Variants in PIK3C2B observed in about 807,000 individuals in gnomAD.
The protein encoded by PIK3C2B is phosphatidylinositol-4-phosphate 3-kinase catalytic subunit type 2 beta, also known as phosphatidylinositol 4-phosphate 3-kinase C2 domain-containing subunit beta.
PIK3C2B carries 83 observed loss-of-function variants against 184.3 expected under a neutral mutation model. The observed-to-expected ratio is 0.45, with a 90% CI of 0.38 to 0.54. PIK3C2B has a LOEUF of 0.54. Among genes scored for constraint, PIK3C2B ranks in the 20% least tolerant of loss-of-function variants. The probability of loss-of-function intolerance (pLI) is 0.00; values close to 1 mark genes in which losing one functional copy is unlikely to be tolerated. For missense variants in PIK3C2B, 1,736 were observed against 2,113.5 expected, an observed-to-expected ratio of 0.82 and a Z score of 3.50; for synonymous variants, 779 against 837.6, an observed-to-expected ratio of 0.93 and a Z score of 1.21.
intron 1 of PIK3C2B, among the ~76,000 whole-genome samples, chr1:204,482,814 G>A (rs1657278538): frequency 6.6e-6 from 1 of 152,042 alleles, no homozygotes; most frequent in Non-Finnish European, 1.5e-5. Context: ...TGCCTGTGGT[G>A]TCCCAGAATC....
At position 204,454,744 on chromosome 1, in the gene PIK3C2B, T is replaced by A. The variant is rs1219609057; in HGVS notation, c.1991A>T (p.Glu664Val). 1.9e-6 allele frequency: 3 copies of A among 1,613,412 alleles called. No individual in the cohort carries two copies. The highest frequency in any genetic ancestry group is 1.3e-5 in the African/African-American group (1 of 74,914). Residue 664 changes from glutamate to valine, a missense_variant, in exon 12 of 33, where the codon GAG becomes GTG. Coordinates refer to ENST00000684373, the MANE Select transcript of PIK3C2B (RefSeq NM_001377334.1). ...LSCSLSHGGK[E>V]LCSPLQTRRA... is the part of the protein sequence containing the mutation. ...TCGGGTCTGCAGGGGGCTGCACAGCTCCTTGCCGCCATGGCTGAGGGAGCA... is the reference window on the plus strand; with the variant it reads ...TCGGGTCTGCAGGGGGCTGCACAGCACCTTGCCGCCATGGCTGAGGGAGCA...
At chr1:204,450,941 C>T (rs767499433) in intron 12 of PIK3C2B, among the ~76,000 whole-genome samples, 10 of 152,200 alleles carry the variant, frequency 6.6e-5, no homozygotes, top group Non-Finnish European at 1.0e-4. Flanking sequence ...TGCCAGAGGG[C>T]GCAGAGGCAG....
chr1:204,449,799 C>T, intron 13 of PIK3C2B, 51 bp downstream of exon 13: 1 of 1,501,332 alleles, frequency 6.7e-7, no homozygotes, highest in South Asian at 1.3e-5. Context: ...CTTTCTCTGT[C>T]CCCCTCCTCC....
chr1:204,469,721 CG>C lies in PIK3C2B; in HGVS notation c.81del (p.Glu28LysfsTer38), dbSNP rs769225473. On this transcript the variant is annotated frameshift_variant, in exon 2 of 33. Transcript: ENST00000684373. LOFTEE classifies it high-confidence loss of function. ...VGISRKELAMAEALQMEYDAL... is the reference protein window; with the variant it reads ...VGISRKELAMXEALQMEYDAL... ...GCATCATACTCCATCTGCAGGGCTT[CG>C]GCCATCGCTAGCTCTTTGCGGCTGA... is the stretch of plus-strand genomic sequence containing the variant. The C allele has an allele frequency of 6.2e-7, 1 of 1,613,944 alleles. No homozygotes were observed. Among genetic ancestry groups the C allele is most frequent in the Non-Finnish European group, 8.5e-7 (1 of 1,179,900 alleles).
Position 204,424,454 on chromosome 1 carries a change from G to T in PIK3C2B, c.*398C>A, listed in dbSNP as rs1418733643. ...TACGTCCCTTCTCGCAAGGCTTCCT[G>T]TCCCAGTTAGGACAACATCACTATT... On this transcript the variant is annotated 3_prime_UTR_variant, in exon 33 of 33. Coordinates refer to ENST00000684373, the MANE Select transcript of PIK3C2B (RefSeq NM_001377334.1). 1 of 348,658 alleles carries T rather than the reference G, an allele frequency of 2.9e-6. No individual in the cohort carries two copies. 21.6% of individuals were successfully genotyped at this position (348,658 alleles called of 1,614,324 possible). A position where few individuals can be genotyped will look rare whatever the true frequency, so the allele number is the denominator to read the frequency against.
chr1:204,463,830 C>G (rs1655527006), intron 5 of PIK3C2B, among the ~76,000 whole-genome samples, 182 bp downstream of exon 5: 1 of 152,182 alleles, frequency 6.6e-6, no homozygotes, highest in African/African-American at 2.4e-5. Flanking sequence ...GTCAGCCAAC[C>G]CTGCTGGAAG....
At chr1:204,441,374 T>C in intron 21 of PIK3C2B, 97 bp downstream of exon 21, 1 of 711,342 alleles carries the variant, frequency 1.4e-6, no homozygotes. Context: ...CATGGAACAG[T>C]GGGAAGAGAA....
At chr1:204,492,038 T>C (rs1658046733) in intron 1 of PIK3C2B, among the ~76,000 whole-genome samples, 1 of 152,184 alleles carries the variant, frequency 6.6e-6, no homozygotes, top group Non-Finnish European at 1.5e-5. Flanking sequence ...ACTCTTTCCT[T>C]AGCAAGAAAG....
At chr1:204,431,594 C>A (rs1675059967) in intron 28 of PIK3C2B, 75 bp downstream of exon 28, 1 of 1,581,946 alleles carries the variant, frequency 6.3e-7, no homozygotes, top group Non-Finnish European at 8.7e-7. Context: ...CCCCTGCAGC[C>A]CTGACCACCT....
In PIK3C2B at chr1:204,422,846, C is replaced by G. The variant is rs980903663; in HGVS notation, c.*2006G>C. 2.3e-4 allele frequency: 35 copies of G among 152,628 alleles called. No homozygotes were observed. Among genetic ancestry groups the G allele is most frequent in the African/African-American group, 8.2e-4 (34 of 41,450 alleles). 9.5% of individuals were successfully genotyped at this position (152,628 alleles called of 1,614,324 possible). ...CGCCCACTCCCCACTCCTCTTCCCC[C>G]TCCTGGAAGCAGCCAGCTTTATCCT... On this transcript the variant is annotated 3_prime_UTR_variant, in exon 33 of 33. Coordinates refer to ENST00000684373, the MANE Select transcript of PIK3C2B (RefSeq NM_001377334.1).
rs1572307524 is a variant in PIK3C2B at position 204,441,394 on chromosome 1, G to A, written c.3249+77C>T. The A allele has an allele frequency of 3.8e-5, 32 of 839,954 alleles. No homozygotes were observed. In the South Asian group the frequency reaches 4.0e-4, roughly 11 times the overall value. 52.0% of individuals were successfully genotyped at this position (839,954 alleles called of 1,614,324 possible). On this transcript the variant is annotated intron_variant, in intron 21 of 32. Transcript: ENST00000684373. ...AACAGTGGGAAGAGAACCACCCAGG[G>A]GCTACTTAATGCCACTCTAGGCTGC...
chr1:204,457,649 C>T (rs1354277470), intron 9 of PIK3C2B, 79 bp downstream of exon 9: 1 of 1,399,168 alleles, frequency 7.1e-7, no homozygotes, highest in East Asian at 2.4e-5. Context: ...AACACCTACA[C>T]ACTCTAGCAA....
Position 204,433,570 on chromosome 1 carries a change from A to T in PIK3C2B, c.3844-145T>A. Reference sequence around the variant, plus strand: ...GACAGATGCTGTGGGCAGTGGCTGGAGGGCCACAGGAACTGAAGGGCTGGA... The same window carrying T: ...GACAGATGCTGTGGGCAGTGGCTGGTGGGCCACAGGAACTGAAGGGCTGGA... On this transcript the variant is annotated intron_variant, in intron 25 of 32. Coordinates refer to ENST00000684373, the MANE Select transcript of PIK3C2B (RefSeq NM_001377334.1). The surrounding 1 kb of genome is among the most constrained non-coding windows in gnomAD (Gnocchi z 5.0). 1 of 708,198 alleles carries T rather than the reference A, an allele frequency of 1.4e-6. No individual in the cohort carries two copies. Among genetic ancestry groups the T allele is most frequent in the Non-Finnish European group, 2.4e-6 (1 of 412,500 alleles). 43.9% of individuals were successfully genotyped at this position (708,198 alleles called of 1,614,324 possible).
Position 204,434,491 on chromosome 1 carries a change from T to C in PIK3C2B, c.3634A>G (p.Ile1212Val), listed in dbSNP as rs140451383. ...MLKTTGHMFHIDFGRFLGHAQ... is the reference protein window; with the variant it reads ...MLKTTGHMFHVDFGRFLGHAQ... ...TGGCCCAGGAAGCGGCCAAAATCAA[T>C]GTGGAACATGTGACCAGTGGTCTTC... The change falls in exon 24 of 33, where the codon ATT (isoleucine) becomes GTT (valine). Residue 1212 changes from isoleucine (I) to valine (V), a missense_variant. Physicochemically the swap from Ile to Val is conservative, Grantham distance 29 (BLOSUM62 3). Transcript: ENST00000684373. 1.6e-4 allele frequency: 262 copies of C among 1,614,084 alleles called. No individual in the cohort carries two copies. Among genetic ancestry groups the C allele is most frequent in the Admixed American group, 2.5e-4 (15 of 59,998 alleles).
chr1:204,427,117 A>C (rs909529346), intron 31 of PIK3C2B, among the ~76,000 whole-genome samples: 3 of 151,882 alleles, frequency 2.0e-5, no homozygotes, highest in Non-Finnish European at 2.9e-5. Context: ...AGCCTGGGTG[A>C]CAGAGCAAAA....
At chr1:204,456,154 C>G in intron 10 of PIK3C2B, 103 bp from the exon 11 acceptor site, 1 of 840,344 alleles carries the variant, frequency 1.2e-6, no homozygotes, top group South Asian at 2.0e-5. Flanking sequence ...ACAGTGGTCC[C>G]CAAATGCTAG....
chr1:204,477,657 T>G (rs1392643911), intron 1 of PIK3C2B, among the ~76,000 whole-genome samples: 1 of 152,068 alleles, frequency 6.6e-6, no homozygotes, highest in Non-Finnish European at 1.5e-5. Context: ...CTGGAGCCAG[T>G]GGGTGGTGAG....
intron 1 of PIK3C2B, among the ~76,000 whole-genome samples, chr1:204,472,867 TC>T (rs1656404555): frequency 6.6e-6 from 1 of 152,102 alleles, no homozygotes; most frequent in Admixed American, 6.5e-5. Context: ...TTTTAAAAAC[TC>T]CCCAGGAGAT....
chr1:204,454,814 C>T (rs1163542759), intron 11 of PIK3C2B, 23 bp from the exon 12 acceptor site: 3 of 1,600,700 alleles, frequency 1.9e-6, no homozygotes, highest in East Asian at 2.2e-5. Context: ...GGGAGCAGGT[C>T]AGGACACCCA....
Sources: allele counts gnomAD v4.1 joint callset (sites outside exome capture counted in the v4.1 genomes callset), GRCh38; gene constraint gnomAD v4.1.1; non-coding constraint Gnocchi (gnomAD v3.1); transcripts MANE v1.5; gene names NCBI Gene and HGNC (gene_info 2026-07-23, HGNC 2026-07-21).